Variants in LZTS1 observed in about 807,000 individuals in gnomAD.
LZTS1 encodes leucine zipper tumor suppressor 1.
In LZTS1, 31 loss-of-function variants were observed where a neutral mutation model predicts 45.8. The observed-to-expected ratio is 0.68, with a 90% CI of 0.51 to 0.91. The LOEUF (loss-of-function observed/expected upper bound fraction) is 0.91. Ranked by LOEUF, LZTS1 falls within the 40% of genes least tolerant of loss-of-function variation. LZTS1 has a pLI of 0.00. For synonymous variants in LZTS1, 359 were observed against 357.3 expected (o/e 1.00, Z -0.05); for missense variants, 821 against 788.9 (o/e 1.04, Z -0.49).
chr8:20,267,807 G>A (rs1225152326), intron 1 of LZTS1, among the ~76,000 whole-genome samples: 2 of 152,100 alleles, frequency 1.3e-5, no homozygotes, highest in Admixed American at 6.5e-5. Context: ...GAGCCACTGC[G>A]CCCGGCCCAG....
chr8:20,283,005 A>G (rs1800723236), intron 1 of LZTS1, among the ~76,000 whole-genome samples: 2 of 152,172 alleles, frequency 1.3e-5, no homozygotes, highest in South Asian at 2.1e-4. Flanking sequence ...CTCATGCACC[A>G]TGGAGCATCC....
Position 20,253,353 on chromosome 8 carries a change from A to G in LZTS1, c.578T>C (p.Leu193Pro), listed in dbSNP as rs1799998851. The change falls in exon 3 of 4, where the codon CTG becomes CCG. Residue 193 changes from leucine to proline, a missense_variant. Physicochemically the swap from Leu to Pro is moderately conservative, Grantham distance 98. Coordinates refer to ENST00000381569, the MANE Select transcript of LZTS1 (RefSeq NM_021020.5). The part of the protein sequence containing the change: ...PTHSTSSSYQ[L>P]DPLVTPVGPT... The stretch of plus-strand genomic sequence containing the variant: ...TCCCACGGGTGTGACCAGCGGGTCC[A>G]GCTGGTAGCTGCTGCTGGTGCTGTG... 2 of 1,613,450 alleles carry G rather than the reference A, an allele frequency of 1.2e-6. No homozygotes were observed. The highest frequency in any genetic ancestry group is 1.7e-6 in the Non-Finnish European group (2 of 1,179,834).
intron 1 of LZTS1, among the ~76,000 whole-genome samples, chr8:20,283,004 C>G (rs1211545139): frequency 6.6e-6 from 1 of 152,072 alleles, no homozygotes; most frequent in Admixed American, 6.6e-5. Context: ...CCTCATGCAC[C>G]ATGGAGCATC....
At chr8:20,263,335 G>A (rs1800284483) in intron 1 of LZTS1, among the ~76,000 whole-genome samples, 1 of 151,176 alleles carries the variant, frequency 6.6e-6, no homozygotes, top group East Asian at 1.9e-4. Context: ...ATTCATTTCA[G>A]TCTTTTTTTT....
At chr8:20,287,897 CAAAAAA>C (rs34653802) in intron 1 of LZTS1, among the ~76,000 whole-genome samples, 2 of 54,118 alleles carry the variant, frequency 3.7e-5, no homozygotes, top group Non-Finnish European at 3.4e-5. Flanking sequence ...GCACTCCAGC[CAAAAAA>C]AAAAAAAAAA....
Position 20,246,341 on chromosome 8 carries a change from C to T in LZTS1, c.*3381G>A, listed in dbSNP as rs11785350. On this transcript the variant is annotated 3_prime_UTR_variant, in exon 4 of 4. Coordinates refer to ENST00000381569, the MANE Select transcript of LZTS1 (RefSeq NM_021020.5). Reference sequence around the variant, plus strand: ...TATGTACATCTTCCAGATGCTGGTCCGTCCCAGCCTGCCTCTGCTGGGGGC... The same window carrying T: ...TATGTACATCTTCCAGATGCTGGTCTGTCCCAGCCTGCCTCTGCTGGGGGC... 5,887 of 152,394 alleles carry T rather than the reference C, an allele frequency of 0.039. 155 individuals carry two copies. Among genetic ancestry groups the T allele is most frequent in the Non-Finnish European group, 0.057 (3,902 of 68,032 alleles). The allele number at this position is 152,394 out of a possible 1,614,324, so 9.4% of individuals were successfully genotyped here.
At chr8:20,251,112 TATATATATATATA>T (rs1415517407) in intron 3 of LZTS1, among the ~76,000 whole-genome samples, 3 of 88,734 alleles carry the variant, frequency 3.4e-5, no homozygotes, top group East Asian at 6.1e-4. Context: ...TATATATATA[TATATATATATATA>T]TATATATATA....
At chr8:20,277,152 G>A (rs1340774597) in intron 1 of LZTS1, among the ~76,000 whole-genome samples, 1 of 152,204 alleles carries the variant, frequency 6.6e-6, no homozygotes, top group East Asian at 1.9e-4. Flanking sequence ...AAACCAAGAT[G>A]GTGATGAGAG....
chr8:20,288,987 GTT>G (rs59572169), intron 1 of LZTS1, among the ~76,000 whole-genome samples: 3 of 119,686 alleles, frequency 2.5e-5, no homozygotes, highest in Non-Finnish European at 5.0e-5. Context: ...ATAGCAGCTG[GTT>G]TTTTTTTTTT....
intron 2 of LZTS1, among the ~76,000 whole-genome samples, chr8:20,253,927 G>T (rs1394469615): frequency 6.6e-6 from 1 of 152,176 alleles, no homozygotes; most frequent in Non-Finnish European, 1.5e-5. Context: ...GGCTGGCCGA[G>T]CTTGCTGTCC....
intron 3 of LZTS1, among the ~76,000 whole-genome samples, chr8:20,251,383 T>C (rs1019989712): frequency 6.6e-6 from 1 of 151,896 alleles, no homozygotes; most frequent in Admixed American, 6.6e-5. Context: ...GGTCGGATTT[T>C]CTCCAGGACT....
chr8:20,253,160 G>T lies in LZTS1; in HGVS notation c.771C>A (p.Ser257=). ...GCTCCTGGATGCTGCACTCGTCCGT[G>T]GAGATGGGGGAGCGGACACACGAGG... The part of the protein sequence containing the change: ...KGPSCVRSPI[S]TDECSIQELE... Residue 257 remains serine, a synonymous_variant, in exon 3 of 4, where the codon TCC becomes TCA. Coordinates refer to ENST00000381569, the MANE Select transcript of LZTS1 (RefSeq NM_021020.5). 1 of 1,613,408 alleles carries T rather than the reference G, an allele frequency of 6.2e-7. No homozygotes were observed. The highest frequency in any genetic ancestry group is 8.5e-7 in the Non-Finnish European group (1 of 1,180,054).
At chr8:20,270,179 G>C (rs533171362) in intron 1 of LZTS1, among the ~76,000 whole-genome samples, 10 of 152,392 alleles carry the variant, frequency 6.6e-5, no homozygotes, top group African/African-American at 2.4e-4. Context: ...AGCGTAGGTG[G>C]CATGTCCTAG....
intron 1 of LZTS1, among the ~76,000 whole-genome samples, chr8:20,297,628 C>T (rs2128899801): frequency 6.6e-6 from 1 of 152,276 alleles, no homozygotes; most frequent in East Asian, 1.9e-4. Context: ...GTTGACCAGG[C>T]TTGTCTGGAA....
chr8:20,249,507 T>A lies in LZTS1; in HGVS notation c.*215A>T. The A allele has an allele frequency of 1.7e-6, 1 of 592,616 alleles. No homozygotes were observed. Among genetic ancestry groups the A allele is most frequent in the Non-Finnish European group, 2.9e-6 (1 of 342,682 alleles). 36.7% of individuals were successfully genotyped at this position (592,616 alleles called of 1,614,324 possible). A position where few individuals can be genotyped will look rare whatever the true frequency, so the allele number is the denominator to read the frequency against. ...CCATCTCCTGGGAAAGCCAGAGGAG[T>A]CAGGGCCTGACGTCTGGTGGGCTGC... On this transcript the variant is annotated 3_prime_UTR_variant, in exon 4 of 4. Transcript: ENST00000381569.
At chr8:20,252,187 C>T (rs192023209) in intron 3 of LZTS1, among the ~76,000 whole-genome samples, 6 of 152,218 alleles carry the variant, frequency 3.9e-5, no homozygotes, top group East Asian at 1.9e-4. Context: ...CACGTGTGAC[C>T]GGGTGAGTGA....
intron 2 of LZTS1, 93 bp from the exon 3 acceptor site, chr8:20,253,678 C>T (rs1800013655): frequency 2.0e-6 from 2 of 1,008,652 alleles, no homozygotes; most frequent in African/African-American, 1.6e-5. Context: ...TTGAGCCAGT[C>T]TGGGCTCTCT....
chr8:20,303,278 C>T (rs1329171680), intron 1 of LZTS1, among the ~76,000 whole-genome samples: 1 of 152,164 alleles, frequency 6.6e-6, no homozygotes, highest in African/African-American at 2.4e-5. Flanking sequence ...GGTGTGGACA[C>T]AGCTCATCTG....
Position 20,252,988 on chromosome 8 carries a change from T to C in LZTS1, c.943A>G (p.Asn315Asp). The change falls in exon 3 of 4, where the codon AAC becomes GAC. Residue 315 changes from asparagine (N) to aspartate (D), a missense_variant. Asn to Asp is a conservative substitution (Grantham distance 23). Transcript: ENST00000381569. ...ELEGPEPKGG[N>D]KLKQASQKSQ... Reference sequence around the variant, plus strand: ...TTCTGCGAGGCCTGCTTGAGCTTGTTGCCGCCTTTGGGCTCCGGGCCCTCC... The same window carrying C: ...TTCTGCGAGGCCTGCTTGAGCTTGTCGCCGCCTTTGGGCTCCGGGCCCTCC... 1 of 1,588,846 alleles carries C rather than the reference T, an allele frequency of 6.3e-7. No individual in the cohort carries two copies. Among genetic ancestry groups the C allele is most frequent in the Non-Finnish European group, 8.6e-7 (1 of 1,167,690 alleles).
Sources: allele counts gnomAD v4.1 joint callset (sites outside exome capture counted in the v4.1 genomes callset), GRCh38; gene constraint gnomAD v4.1.1; transcripts MANE v1.5; gene names NCBI Gene and HGNC (gene_info 2026-07-23, HGNC 2026-07-21).